Variants in FAM81A observed in about 807,000 individuals in gnomAD.
FAM81A encodes family with sequence similarity 81 member A, also known as protein FAM81A.
FAM81A carries 19 observed loss-of-function variants against 46.7 expected under a neutral mutation model. The ratio of observed to expected loss-of-function variants is 0.41; its 90% CI spans 0.28 to 0.60. The LOEUF is 0.60. FAM81A is among the 20% of genes least tolerant of loss of function. FAM81A has a pLI of 0.34. For synonymous variants in FAM81A, 183 were observed against 152.9 expected, an observed-to-expected ratio of 1.20 and a Z score of -1.45; for missense variants, 377 against 453.5, an observed-to-expected ratio of 0.83 and a Z score of 1.53.
At chr15:59,426,452 A>G (rs1160732064) in intron 2 of FAM81A, among the ~76,000 whole-genome samples, 1 of 152,182 alleles carries the variant, frequency 6.6e-6, no homozygotes, top group Admixed American at 6.5e-5. Flanking sequence ...CTTCTCTACT[A>G]AAAATACAAA....
At chr15:59,428,879 C>A (rs2081207058) in intron 2 of FAM81A, among the ~76,000 whole-genome samples, 1 of 152,056 alleles carries the variant, frequency 6.6e-6, no homozygotes, top group Non-Finnish European at 1.5e-5. Flanking sequence ...GATCTGCCTG[C>A]CTCCGCCTCT....
intron 5 of FAM81A, among the ~76,000 whole-genome samples, chr15:59,507,790 G>A (rs2082165352): frequency 6.6e-6 from 1 of 152,210 alleles, no homozygotes. Context: ...TAGAGCATAG[G>A]CAGGCTAATG....
chr15:59,506,662 A>G (rs1320291756), intron 4 of FAM81A, among the ~76,000 whole-genome samples: 1 of 152,184 alleles, frequency 6.6e-6, no homozygotes, highest in Non-Finnish European at 1.5e-5. Context: ...CATCTGCCAC[A>G]CATACTTTGA....
intron 4 of FAM81A, among the ~76,000 whole-genome samples, chr15:59,500,211 T>C (rs1190741294): frequency 6.6e-6 from 1 of 152,188 alleles, no homozygotes; most frequent in Non-Finnish European, 1.5e-5. Flanking sequence ...GTTGAACTAC[T>C]TGTTTGTATC....
At chr15:59,436,081 A>G (rs961484522), upstream of FAM81A, among the ~76,000 whole-genome samples, 40 of 152,234 alleles carry the variant, frequency 2.6e-4, no homozygotes, top group Admixed American at 1.3e-4. Context: ...CATGTTTTGA[A>G]ATAATTATTA....
At chr15:59,416,515 C>T (rs1039171512) in intron 2 of FAM81A, among the ~76,000 whole-genome samples, 1 of 152,184 alleles carries the variant, frequency 6.6e-6, no homozygotes, top group African/African-American at 2.4e-5. Context: ...TTTGAGGTGT[C>T]AAGTCTTCCC....
chr15:59,428,949 C>G (rs2081207951), intron 2 of FAM81A, among the ~76,000 whole-genome samples: 1 of 152,100 alleles, frequency 6.6e-6, no homozygotes, highest in Admixed American at 6.6e-5. Flanking sequence ...CCTTTTTGAT[C>G]TACTTTCTCA....
At chr15:59,516,419 C>T (rs765076339) in intron 7 of FAM81A, among the ~76,000 whole-genome samples, 6 of 152,084 alleles carry the variant, frequency 3.9e-5, no homozygotes, top group South Asian at 2.1e-4. Flanking sequence ...CGTGAGCCAC[C>T]GCACCCAGCC....
At chr15:59,430,683 A>T (rs2081216200) in intron 2 of FAM81A, among the ~76,000 whole-genome samples, 1 of 152,222 alleles carries the variant, frequency 6.6e-6, no homozygotes, top group African/African-American at 2.4e-5. Flanking sequence ...TTAGAAGAAG[A>T]GAGACCTTGG....
At chr15:59,455,355 A>G (rs1420686675) in intron 1 of FAM81A, among the ~76,000 whole-genome samples, 1 of 152,156 alleles carries the variant, frequency 6.6e-6, no homozygotes, top group Non-Finnish European at 1.5e-5. Context: ...ACAGCATGAA[A>G]CCCAGACCTG....
chr15:59,439,903 C>G (rs77161023), intron 1 of FAM81A: 2 of 152,080 alleles, frequency 1.3e-5, no homozygotes, highest in Non-Finnish European at 2.9e-5. Flanking sequence ...CTTTAAATGT[C>G]TTGTTTCTTG....
intron 1 of FAM81A, among the ~76,000 whole-genome samples, chr15:59,448,887 A>G (rs954437059): frequency 6.6e-6 from 1 of 151,618 alleles, no homozygotes; most frequent in Non-Finnish European, 1.5e-5. Flanking sequence ...CTGGTCTTGA[A>G]CTCCTGGCCT....
In FAM81A at chr15:59,516,810, A is replaced by G. The variant is rs1464236506; in HGVS notation, c.952A>G (p.Ile318Val). 6.2e-7 allele frequency: 1 copy of G among 1,606,808 alleles called. No individual in the cohort carries two copies. Among genetic ancestry groups the G allele is most frequent in the African/African-American group, 1.3e-5 (1 of 74,440 alleles). ...GCTGGAGTTACAGATGAACCAGAAC[A>G]TCAAGGAAATGAAAGCAGAAGTTAA... The part of the protein sequence containing the change: ...TKLELQMNQN[I>V]KEMKAEVNAG... The change falls in exon 8 of 9, where the codon ATC (isoleucine) becomes GTC (valine). Residue 318 changes from isoleucine (I) to valine (V), a missense_variant. By Grantham distance (29) the Ile-to-Val change is conservative (BLOSUM62 3). Coordinates refer to ENST00000288228, the MANE Select transcript of FAM81A (RefSeq NM_152450.3).
chr15:59,423,904 C>T (rs1567039758), intron 2 of FAM81A, among the ~76,000 whole-genome samples: 1 of 152,176 alleles, frequency 6.6e-6, no homozygotes, highest in Non-Finnish European at 1.5e-5. Flanking sequence ...TAACATTTTC[C>T]ATTTTTTTAA....
chr15:59,479,519 G>GAAAAA (rs57107735), intron 3 of FAM81A, among the ~76,000 whole-genome samples: 16 of 72,646 alleles, frequency 2.2e-4, no homozygotes, highest in African/African-American at 2.9e-4. Flanking sequence ...TCAAAAATAA[G>GAAAAA]AAAAAAAAAA....
intron 7 of FAM81A, 49 bp from the exon 8 acceptor site, chr15:59,516,596 C>T (rs1567079520): frequency 3.2e-6 from 5 of 1,558,638 alleles, no homozygotes; most frequent in Non-Finnish European, 4.3e-6. Context: ...GAATGCAATG[C>T]AGATTTCTTT....
chr15:59,454,098 C>T (rs116945171), intron 1 of FAM81A, among the ~76,000 whole-genome samples: 2,934 of 152,306 alleles, frequency 0.019, 38 homozygotes, highest in Non-Finnish European at 0.03. Flanking sequence ...GCTGTCTTTC[C>T]AGACAAACCT....
intron 1 of FAM81A, among the ~76,000 whole-genome samples, chr15:59,454,454 A>G (rs2081457887): frequency 1.3e-5 from 2 of 152,172 alleles, no homozygotes; most frequent in Non-Finnish European, 2.9e-5. Context: ...TTTCATTAAA[A>G]TTTTAAAATA....
intron 3 of FAM81A, among the ~76,000 whole-genome samples, chr15:59,474,992 A>G (rs1387940288): frequency 2.0e-5 from 3 of 152,188 alleles, no homozygotes; most frequent in Non-Finnish European, 4.4e-5. Context: ...AAACTAGATA[A>G]TTCTAGCTTT....
Sources: gnomAD v4.1 joint callset for allele counts (sites outside exome capture counted in the v4.1 genomes callset) on GRCh38, gnomAD v4.1.1 for gene constraint, MANE v1.5 for transcripts, NCBI Gene and HGNC (gene_info 2026-07-23, HGNC 2026-07-21) for gene names.